Variants in PTPRM observed in about 807,000 individuals in gnomAD.
PTPRM encodes receptor-type tyrosine-protein phosphatase mu.
Under a neutral mutation model 186.7 loss-of-function variants are expected in PTPRM, and 47 were observed. That is an observed-to-expected ratio of 0.25 (90% confidence interval 0.20 to 0.32). The LOEUF is 0.32. Ranked by LOEUF, PTPRM falls within the 10% of genes least tolerant of loss-of-function variation. The pLI is 1.00. For missense variants in PTPRM, 1,494 were observed against 1,865.0 expected (o/e 0.80, Z 3.66); for synonymous variants, 668 against 674.9 (o/e 0.99, Z 0.16).
At chr18:7,966,324 A>C (rs2054048962) in intron 7 of PTPRM, among the ~76,000 whole-genome samples, 1 of 152,224 alleles carries the variant, frequency 6.6e-6, no homozygotes, top group Admixed American at 6.5e-5. Context: ...TGAGTAATAT[A>C]AGTAATGTAA....
At chr18:8,218,369 C>T (rs576502651) in intron 14 of PTPRM, among the ~76,000 whole-genome samples, 2 of 146,148 alleles carry the variant, frequency 1.4e-5, no homozygotes, top group African/African-American at 2.5e-5. Flanking sequence ...TTTAGAAGAA[C>T]GGTTAAACTA....
chr18:7,652,648 C>T (rs1461341798), intron 1 of PTPRM, among the ~76,000 whole-genome samples: 1 of 150,112 alleles, frequency 6.7e-6, no homozygotes, highest in Non-Finnish European at 1.5e-5. Flanking sequence ...TAAACTATCG[C>T]AAGAACAAAA....
intron 2 of PTPRM, among the ~76,000 whole-genome samples, chr18:7,843,899 G>A (rs1012409587): frequency 3.3e-5 from 5 of 152,164 alleles, no homozygotes; most frequent in Non-Finnish European, 7.3e-5. Context: ...CACAAGTCTA[G>A]AAATTAATGT....
At chr18:7,746,151 T>C (rs889193007) in intron 1 of PTPRM, among the ~76,000 whole-genome samples, 1 of 152,158 alleles carries the variant, frequency 6.6e-6, no homozygotes, top group Non-Finnish European at 1.5e-5. Context: ...ATTACAAATG[T>C]TTACAAGACA....
intron 6 of PTPRM, among the ~76,000 whole-genome samples, chr18:7,953,883 G>T (rs960568589): frequency 8.5e-5 from 13 of 152,158 alleles, no homozygotes; most frequent in African/African-American, 3.1e-4. Flanking sequence ...CCAGTAATAG[G>T]ATATAGCGGA....
chr18:7,899,335 G>A (rs2146476903), intron 3 of PTPRM, among the ~76,000 whole-genome samples: 1 of 152,302 alleles, frequency 6.6e-6, no homozygotes, highest in Middle Eastern at 3.4e-3. Flanking sequence ...GCTGCTCTGT[G>A]CATGTCCGCA....
chr18:7,743,043 T>G (rs1240547013), intron 1 of PTPRM, among the ~76,000 whole-genome samples: 1 of 152,184 alleles, frequency 6.6e-6, no homozygotes, highest in African/African-American at 2.4e-5. Flanking sequence ...GGGCCAAACA[T>G]GCATGGCTGC....
chr18:8,309,363 G>T (rs1021085926), intron 20 of PTPRM, among the ~76,000 whole-genome samples: 1 of 151,972 alleles, frequency 6.6e-6, no homozygotes, highest in Admixed American at 6.6e-5. Context: ...GGTATGTGAT[G>T]GTATCTCATT....
In PTPRM at chr18:7,927,957, G is replaced by T. The variant is rs1479940788; in HGVS notation, c.663+1274G>T. On this transcript the variant is annotated intron_variant, in intron 5 of 32. Coordinates refer to ENST00000580170, the MANE Select transcript of PTPRM (RefSeq NM_001105244.2). ...GGATTCTCCCTTGTTGCCCAGTCTG[G>T]TCTCAAACTCCTAGCCTCAAGTGAT... 2.0e-5 allele frequency among the ~76,000 whole-genome samples: 3 copies of T among 152,016 alleles called. No homozygotes were observed. In the East Asian group the frequency reaches 5.8e-4, roughly 29 times the overall value.
intron 13 of PTPRM, chr18:8,122,195 T>C (rs1457065085): frequency 6.6e-6 from 1 of 152,606 alleles, no homozygotes; most frequent in Admixed American, 6.5e-5. Flanking sequence ...CAGTCTGGCT[T>C]TTTTTTCCCT....
At chr18:8,099,672 C>T (rs1383662916) in intron 11 of PTPRM, among the ~76,000 whole-genome samples, 1 of 152,142 alleles carries the variant, frequency 6.6e-6, no homozygotes, top group Non-Finnish European at 1.5e-5. Context: ...TCAGGGGTTC[C>T]ACCTCCCAGT....
At chr18:7,751,977 A>G (rs2041240618) in intron 1 of PTPRM, among the ~76,000 whole-genome samples, 1 of 152,184 alleles carries the variant, frequency 6.6e-6, no homozygotes, top group Non-Finnish European at 1.5e-5. Flanking sequence ...GGGAGACCTT[A>G]TTTGGTTAGG....
At chr18:7,789,467 A>C (rs919051923) in intron 2 of PTPRM, among the ~76,000 whole-genome samples, 43 of 152,220 alleles carry the variant, frequency 2.8e-4, no homozygotes, top group Non-Finnish European at 5.6e-4. Context: ...TAATGCACTG[A>C]ATGGAAGAAA....
At chr18:8,248,059 A>G in intron 16 of PTPRM, 91 bp from the exon 17 acceptor site, 1 of 1,381,266 alleles carries the variant, frequency 7.2e-7, no homozygotes, top group Non-Finnish European at 1.0e-6. Flanking sequence ...ACAGCTTTCT[A>G]TGCAGAAAAT....
chr18:7,759,075 C>T (rs1271317115), intron 1 of PTPRM, among the ~76,000 whole-genome samples: 1 of 152,182 alleles, frequency 6.6e-6, no homozygotes, highest in Non-Finnish European at 1.5e-5. Context: ...ACTAAGCACA[C>T]ATTTGATCAT....
At chr18:7,570,652 A>C (rs2036544805) in intron 1 of PTPRM, among the ~76,000 whole-genome samples, 1 of 152,204 alleles carries the variant, frequency 6.6e-6, no homozygotes, top group South Asian at 2.1e-4. Flanking sequence ...AGGCCAATGG[A>C]CTAATCATGA....
At chr18:7,776,508 CTTTCTT>C (rs1048547896) in intron 2 of PTPRM, among the ~76,000 whole-genome samples, 1 of 141,316 alleles carries the variant, frequency 7.1e-6, no homozygotes, top group African/African-American at 3.2e-5. Flanking sequence ...TTTTCTTTTT[CTTTCTT>C]TTTTTTTTTA....
intron 20 of PTPRM, among the ~76,000 whole-genome samples, chr18:8,298,642 C>T (rs1027880721): frequency 4.6e-5 from 7 of 152,308 alleles, no homozygotes; most frequent in Middle Eastern, 6.8e-3. Context: ...CATCGAAACC[C>T]GCTCACTAAC....
At chr18:8,262,024 C>T (rs1017393144) in intron 19 of PTPRM, among the ~76,000 whole-genome samples, 4 of 43,022 alleles carry the variant, frequency 9.3e-5, no homozygotes, top group African/African-American at 3.1e-4. Flanking sequence ...TGGTACTGGT[C>T]CTCCTGCTTT....
Sources: gnomAD v4.1 joint callset for allele counts (sites outside exome capture counted in the v4.1 genomes callset) on GRCh38, gnomAD v4.1.1 for gene constraint, MANE v1.5 for transcripts, NCBI Gene and HGNC (gene_info 2026-07-23, HGNC 2026-07-21) for gene names.